Variants in IMMP2L observed in about 807,000 individuals in gnomAD.
The protein encoded by IMMP2L is inner mitochondrial membrane peptidase subunit 2, also known as mitochondrial inner membrane protease subunit 2.
In IMMP2L, 18 loss-of-function variants were observed where a neutral mutation model predicts 19.3. The ratio of observed to expected loss-of-function variants is 0.93; its 90% CI spans 0.64 to 1.38. The LOEUF is 1.38. Among genes scored for constraint, IMMP2L ranks in the 40% most tolerant of loss-of-function variants. The pLI, the probability that IMMP2L is intolerant of heterozygous loss-of-function variation, is 0.00. For missense variants in IMMP2L, 233 were observed against 218.2 expected (o/e 1.07, Z -0.43); for synonymous variants, 76 against 73.0 (o/e 1.04, Z -0.21).
intron 3 of IMMP2L, among the ~76,000 whole-genome samples, chr7:111,086,645 A>G (rs138340569): frequency 6.6e-6 from 1 of 152,344 alleles, no homozygotes; most frequent in Non-Finnish European, 1.5e-5. Flanking sequence ...ATTGAGAACT[A>G]ATCTGTTATT....
chr7:110,934,610 T>A (rs1338479454), intron 4 of IMMP2L, among the ~76,000 whole-genome samples: 1 of 152,054 alleles, frequency 6.6e-6, no homozygotes, highest in Non-Finnish European at 1.5e-5. Flanking sequence ...TAAAGTCTTC[T>A]ACTATTATTG....
chr7:111,323,689 C>T (rs1489719737), intron 3 of IMMP2L, among the ~76,000 whole-genome samples: 1 of 152,094 alleles, frequency 6.6e-6, no homozygotes, highest in Non-Finnish European at 1.5e-5. Context: ...GACACATCCA[C>T]GCATATGTTT....
intron 4 of IMMP2L, among the ~76,000 whole-genome samples, chr7:110,896,628 T>C (rs1811347411): frequency 6.9e-6 from 1 of 145,394 alleles, no homozygotes; most frequent in Admixed American, 6.8e-5. Context: ...AAATTTTTAA[T>C]TTCAAAATAC....
intron 3 of IMMP2L, among the ~76,000 whole-genome samples, chr7:111,184,751 C>G (rs1463829117): frequency 7.5e-6 from 1 of 133,630 alleles, no homozygotes; most frequent in Non-Finnish European, 1.6e-5. Context: ...TTCAGAACTA[C>G]CCATAGATGT....
intron 5 of IMMP2L, among the ~76,000 whole-genome samples, chr7:110,706,007 T>C (rs147454862): frequency 1.5e-3 from 225 of 152,284 alleles, no homozygotes; most frequent in African/African-American, 5.2e-3. Context: ...CTATTGTGAA[T>C]AGCACTGTGA....
intron 3 of IMMP2L, among the ~76,000 whole-genome samples, chr7:111,444,851 G>C (rs1274524050): frequency 6.6e-6 from 1 of 152,038 alleles, no homozygotes; most frequent in Non-Finnish European, 1.5e-5. Context: ...TCTAATTACA[G>C]TAGGAAGGTC....
intron 5 of IMMP2L, among the ~76,000 whole-genome samples, chr7:110,736,840 C>T (rs1278280165): frequency 6.6e-6 from 1 of 152,100 alleles, no homozygotes; most frequent in Non-Finnish European, 1.5e-5. Flanking sequence ...TCATCCATAT[C>T]TGATTTAAAT....
At chr7:110,880,234 A>G (rs552438039) in intron 5 of IMMP2L, among the ~76,000 whole-genome samples, 95 of 152,226 alleles carry the variant, frequency 6.2e-4, no homozygotes, top group Non-Finnish European at 1.2e-3. Context: ...TACAGGGTCC[A>G]TTTATGGCTC....
chr7:111,555,459 C>CA (rs34740448), intron 1 of IMMP2L, among the ~76,000 whole-genome samples: 5 of 149,974 alleles, frequency 3.3e-5, no homozygotes, highest in African/African-American at 1.2e-4. Flanking sequence ...TCTTCATTCA[C>CA]AAAAAAAAAA....
At chr7:110,835,829 T>C (rs1453445932) in intron 5 of IMMP2L, among the ~76,000 whole-genome samples, 1 of 152,182 alleles carries the variant, frequency 6.6e-6, no homozygotes, top group Admixed American at 6.6e-5. Flanking sequence ...GTTCTTCTTA[T>C]TCAACAAATC....
chr7:111,389,830 A>C (rs554122321), intron 3 of IMMP2L, among the ~76,000 whole-genome samples: 3 of 152,244 alleles, frequency 2.0e-5, no homozygotes, highest in Non-Finnish European at 4.4e-5. Context: ...TGAATATAAA[A>C]AAGTATGCTT....
rs1820707100 is a variant in IMMP2L, at chr7:111,288,213, G to A, written c.239+199025C>T. Among the ~76,000 whole-genome samples the A allele has an allele frequency of 1.3e-5, 2 of 152,108 alleles. 1 individual carries two copies. Among genetic ancestry groups the A allele is most frequent in the Non-Finnish European group, 2.9e-5 (2 of 68,018 alleles). On this transcript the variant is annotated intron_variant, in intron 3 of 5. Coordinates refer to ENST00000405709, the MANE Select transcript of IMMP2L (RefSeq NM_032549.4). The stretch of plus-strand genomic sequence containing the variant: ...AGCCATAAGCAGGAATAAAGATGTG[G>A]TCAAAGGGAAGAGATATTCTATGAA...
intron 5 of IMMP2L, among the ~76,000 whole-genome samples, chr7:110,825,209 A>T (rs1803366171): frequency 6.6e-6 from 1 of 152,182 alleles, no homozygotes; most frequent in South Asian, 2.1e-4. Flanking sequence ...ATGGAAGAAC[A>T]TTCCACGCTC....
chr7:111,484,376 A>G (rs1177985190), intron 3 of IMMP2L, among the ~76,000 whole-genome samples: 1 of 152,190 alleles, frequency 6.6e-6, no homozygotes, highest in East Asian at 1.9e-4. Context: ...GTGTATTACC[A>G]CACATTCTGA....
At chr7:110,670,802 T>G (rs13247342) in intron 5 of IMMP2L, among the ~76,000 whole-genome samples, 35,238 of 150,570 alleles carry the variant, frequency 0.23, 4,799 homozygotes, top group Middle Eastern at 0.35. Flanking sequence ...AACAAAGAAA[T>G]ATGTTGAGAG....
chr7:110,754,114 T>C (rs1309913533), intron 5 of IMMP2L, among the ~76,000 whole-genome samples: 1 of 152,012 alleles, frequency 6.6e-6, no homozygotes, highest in East Asian at 1.9e-4. Context: ...TCAAATAATC[T>C]ATCTATTTTG....
chr7:111,187,189 A>T (rs994598081), intron 3 of IMMP2L, among the ~76,000 whole-genome samples: 10 of 152,150 alleles, frequency 6.6e-5, no homozygotes, highest in Non-Finnish European at 1.0e-4. Flanking sequence ...GTGGTGTTCT[A>T]ATAGTCTGTG....
chr7:111,294,758 T>C (rs1821451713), intron 3 of IMMP2L, among the ~76,000 whole-genome samples: 1 of 151,900 alleles, frequency 6.6e-6, no homozygotes, highest in African/African-American at 2.4e-5. Flanking sequence ...ACAGTTTCTA[T>C]AAATATAATT....
intron 5 of IMMP2L, among the ~76,000 whole-genome samples, chr7:110,689,400 A>G (rs1266884172): frequency 6.6e-6 from 1 of 152,002 alleles, no homozygotes; most frequent in African/African-American, 2.4e-5. Flanking sequence ...CTGCTATTAG[A>G]TATTTTTAAA....
Sources: allele counts gnomAD v4.1 joint callset (sites outside exome capture counted in the v4.1 genomes callset), GRCh38; gene constraint gnomAD v4.1.1; transcripts MANE v1.5; gene names NCBI Gene and HGNC (gene_info 2026-07-23, HGNC 2026-07-21).